ACAP2: variants seen among roughly 807,000 people sequenced by gnomAD.
ACAP2 encodes the protein arf-GAP with coiled-coil, ANK repeat and PH domain-containing protein 2.
A neutral mutation model predicts 115.8 loss-of-function variants in ACAP2; 39 were observed. The observed-to-expected ratio is 0.34, with a 90% CI of 0.26 to 0.44. The LOEUF is 0.44. Among genes scored for constraint, ACAP2 ranks in the 20% least tolerant of loss-of-function variants. The pLI, the probability that ACAP2 is intolerant of heterozygous loss-of-function variation, is 1.00. For missense variants in ACAP2, 662 were observed against 927.6 expected, an observed-to-expected ratio of 0.71 and a Z score of 3.72; for synonymous variants, 289 against 315.8, an observed-to-expected ratio of 0.92 and a Z score of 0.90.
intron 8 of ACAP2, among the ~76,000 whole-genome samples, 154 bp downstream of exon 8, chr3:195,332,874 C>G (rs202178078): frequency 6.6e-6 from 1 of 152,172 alleles, no homozygotes; most frequent in Non-Finnish European, 1.5e-5. Flanking sequence ...AACTGTGAGT[C>G]AATTAAACCT....
chr3:195,351,583 T>A (rs1731609903), intron 4 of ACAP2, among the ~76,000 whole-genome samples: 1 of 151,374 alleles, frequency 6.6e-6, no homozygotes, highest in African/African-American at 2.4e-5. Flanking sequence ...TGCTTCAGCC[T>A]CCCCAGCAGT....
At chr3:195,415,747 A>G (rs1322623494) in intron 1 of ACAP2, among the ~76,000 whole-genome samples, 1 of 152,192 alleles carries the variant, frequency 6.6e-6, no homozygotes, top group East Asian at 1.9e-4. Flanking sequence ...TGTATGTGCA[A>G]AAGATAAAAA....
At chr3:195,367,473 G>A (rs1732806363) in intron 4 of ACAP2, among the ~76,000 whole-genome samples, 2 of 152,096 alleles carry the variant, frequency 1.3e-5, no homozygotes, top group African/African-American at 2.4e-5. Context: ...CTGAGTCCTG[G>A]CACACAGATC....
At chr3:195,376,536 C>G (rs1308352612) in intron 4 of ACAP2, among the ~76,000 whole-genome samples, 1 of 151,968 alleles carries the variant, frequency 6.6e-6, no homozygotes, top group Non-Finnish European at 1.5e-5. Context: ...AAGCGAGACT[C>G]CATTTCACAA....
At chr3:195,290,449 A>G (rs1727165070) in intron 20 of ACAP2, among the ~76,000 whole-genome samples, 1 of 152,194 alleles carries the variant, frequency 6.6e-6, no homozygotes, top group Non-Finnish European at 1.5e-5. Context: ...TTAAGTGTAG[A>G]AAGTTTAAAC....
intron 9 of ACAP2, among the ~76,000 whole-genome samples, chr3:195,324,708 C>T (rs1048674524): frequency 1.3e-5 from 2 of 151,782 alleles, no homozygotes; most frequent in African/African-American, 4.8e-5. Flanking sequence ...GAGCAGAGAT[C>T]GCGCCACTGC....
chr3:195,373,982 A>G (rs1255796928), intron 4 of ACAP2, among the ~76,000 whole-genome samples: 1 of 152,204 alleles, frequency 6.6e-6, no homozygotes, highest in Non-Finnish European at 1.5e-5. Flanking sequence ...GCTGAAACTG[A>G]GTCACTAAGT....
chr3:195,289,054 T>C lies in ACAP2; in HGVS notation c.2174+67A>G, dbSNP rs537767740. 3.9e-6 allele frequency: 5 copies of C among 1,284,380 alleles called. No homozygotes were observed. The African/African-American group carries it at 7.4e-5, about 19-fold the overall frequency. 79.6% of individuals were successfully genotyped at this position (1,284,380 alleles called of 1,614,324 possible). A position where few individuals can be genotyped will look rare whatever the true frequency, so the allele number is the denominator to read the frequency against. ...CCACAGGGTCCTGGAACTAATTCAC[T>C]GTGGATAACCGAGGGACAACTGTAA... On this transcript the variant is annotated intron_variant, in intron 21 of 22. Coordinates refer to ENST00000326793, the MANE Select transcript of ACAP2 (RefSeq NM_012287.6).
chr3:195,418,445 C>T (rs1713912775), intron 1 of ACAP2, among the ~76,000 whole-genome samples: 1 of 152,178 alleles, frequency 6.6e-6, no homozygotes, highest in Admixed American at 6.5e-5. Flanking sequence ...AAGGAAGAAA[C>T]TGCTGTTTTG....
chr3:195,343,864 T>C (rs1731029273), intron 5 of ACAP2, among the ~76,000 whole-genome samples: 1 of 152,218 alleles, frequency 6.6e-6, no homozygotes. Context: ...CCTTGAAAGA[T>C]GCCATAAACT....
intron 15 of ACAP2, among the ~76,000 whole-genome samples, chr3:195,298,252 C>CTTTT (rs33951107): frequency 9.1e-6 from 1 of 109,960 alleles, no homozygotes; most frequent in Non-Finnish European, 1.9e-5. Flanking sequence ...TTTCTCTCCT[C>CTTTT]TTTTTTTTTT....
At chr3:195,325,613 C>A (rs1484729760) in intron 9 of ACAP2, among the ~76,000 whole-genome samples, 1 of 151,824 alleles carries the variant, frequency 6.6e-6, no homozygotes, top group Non-Finnish European at 1.5e-5. Flanking sequence ...CAGTACAACA[C>A]TGAACTGTGT....
chr3:195,391,001 C>T (rs1028669033), intron 2 of ACAP2, among the ~76,000 whole-genome samples: 7 of 152,042 alleles, frequency 4.6e-5, no homozygotes, highest in Non-Finnish European at 7.4e-5. Flanking sequence ...TGGAGGGAAT[C>T]AATGTACATT....
At position 195,430,719 on chromosome 3, in the gene ACAP2, GA is replaced by G. The variant is rs1050948333; in HGVS notation, c.53+12075del. ...GACAGAGTGTGACCCTGTCTCAACT[GA>G]AAAAAAAAAAATCATATGGGGAAAC... On this transcript the variant is annotated intron_variant, in intron 1 of 22. Coordinates refer to ENST00000326793, the MANE Select transcript of ACAP2 (RefSeq NM_012287.6). 2.9e-4 allele frequency among the ~76,000 whole-genome samples: 42 copies of G among 142,538 alleles called. No individual in the cohort carries two copies. In the East Asian group the frequency reaches 3.0e-3, roughly 10 times the overall value. 93.5% of individuals were successfully genotyped at this position (142,538 alleles called of 152,430 possible). A position where few individuals can be genotyped will look rare whatever the true frequency, so the allele number is the denominator to read the frequency against.
chr3:195,302,555 G>C (rs1379248452), intron 13 of ACAP2, among the ~76,000 whole-genome samples: 3 of 151,996 alleles, frequency 2.0e-5, no homozygotes, highest in African/African-American at 7.2e-5. Context: ...ACTTTTCCAA[G>C]GCGTTCAATA....
At chr3:195,328,456 T>C (rs1729947695) in intron 8 of ACAP2, among the ~76,000 whole-genome samples, 2 of 152,180 alleles carry the variant, frequency 1.3e-5, no homozygotes, top group Non-Finnish European at 2.9e-5. Context: ...TCTATCACTA[T>C]TATAAAGTAC....
chr3:195,292,212 A>AT (rs34841748), intron 19 of ACAP2, 53 bp downstream of exon 19: 18 of 1,501,582 alleles, frequency 1.2e-5, no homozygotes, highest in African/African-American at 5.6e-5. Context: ...ACATATTATG[A>AT]TTTTTTTTAA....
chr3:195,287,509 G>A (rs568990062), intron 21 of ACAP2, among the ~76,000 whole-genome samples: 8 of 151,952 alleles, frequency 5.3e-5, no homozygotes, highest in African/African-American at 1.9e-4. Context: ...GTAGAGACAG[G>A]GCCTCGCTAT....
chr3:195,281,366 C>T lies in ACAP2; in HGVS notation c.2237-1938G>A, dbSNP rs146687776. On this transcript the variant is annotated intron_variant, in intron 22 of 22. Coordinates refer to ENST00000326793, the MANE Select transcript of ACAP2 (RefSeq NM_012287.6). ...CTTGCAGTGAGCCAAGATCGCGCCA[C>T]TGCACTCCAGCCTGGGCAACAGAGC... Among the ~76,000 whole-genome samples the T allele has an allele frequency of 1.8e-3, 279 of 152,026 alleles. 9 individuals carry two copies. In the East Asian group the frequency reaches 0.048, roughly 26 times the overall value.
Sources: allele counts gnomAD v4.1 joint callset (sites outside exome capture counted in the v4.1 genomes callset), GRCh38; gene constraint gnomAD v4.1.1; transcripts MANE v1.5; gene names NCBI Gene and HGNC (gene_info 2026-07-23, HGNC 2026-07-21).